SLC39A9: variants seen among roughly 807,000 people sequenced by gnomAD.
The protein encoded by SLC39A9 is solute carrier family 39 member 9, also known as zinc transporter ZIP9.
In SLC39A9, 14 loss-of-function variants were observed where a neutral mutation model predicts 28.4. That is an observed-to-expected ratio of 0.49 (90% CI 0.33 to 0.77). The LOEUF (loss-of-function observed/expected upper bound fraction) is 0.77. Ranked by LOEUF, SLC39A9 falls within the 30% of genes least tolerant of loss-of-function variation. SLC39A9 has a pLI of 0.02. For missense variants in SLC39A9, 283 were observed against 381.1 expected (o/e 0.74, Z 2.14); for synonymous variants, 119 against 149.6 (o/e 0.80, Z 1.49).
chr14:69,440,504 C>T (rs1884992726), intron 2 of SLC39A9, among the ~76,000 whole-genome samples: 2 of 151,940 alleles, frequency 1.3e-5, no homozygotes, highest in Admixed American at 1.3e-4. Context: ...AGGATGACTT[C>T]AGTCCAGGAA....
At chr14:69,427,362 T>C (rs1049328843) in intron 2 of SLC39A9, among the ~76,000 whole-genome samples, 4 of 152,196 alleles carry the variant, frequency 2.6e-5, no homozygotes, top group African/African-American at 7.2e-5. Flanking sequence ...AAGTCTCTTC[T>C]GAAAATAAGC....
At chr14:69,425,032 G>T (rs192156165) in intron 2 of SLC39A9, among the ~76,000 whole-genome samples, 1 of 152,200 alleles carries the variant, frequency 6.6e-6, no homozygotes, top group Non-Finnish European at 1.5e-5. Flanking sequence ...CCTGGGGTTT[G>T]ATAGACAAAG....
rs537473986 is a variant in SLC39A9 at position 69,414,917 on chromosome 14, A to G, written c.97-9177A>G. Among the ~76,000 whole-genome samples, 7 of 152,318 alleles carry G rather than the reference A, an allele frequency of 4.6e-5. 1 individual carries two copies. The South Asian group carries it at 1.2e-3, about 27-fold the overall frequency. ...TCATACAGTATATACTCCTTTGTGTAAAGCTTCTTTCACTCAAACATCAGG... is the reference window on the plus strand; with the variant it reads ...TCATACAGTATATACTCCTTTGTGTGAAGCTTCTTTCACTCAAACATCAGG... On this transcript the variant is annotated intron_variant, in intron 1 of 6. Transcript: ENST00000336643.
chr14:69,430,632 T>C (rs1183430140), intron 2 of SLC39A9, among the ~76,000 whole-genome samples: 3 of 150,498 alleles, frequency 2.0e-5, no homozygotes, highest in East Asian at 1.9e-4. Flanking sequence ...TTCTTTCTTT[T>C]TTTTTTTTTT....
At position 69,440,510 on chromosome 14, in the gene SLC39A9, A is replaced by G. The variant is rs757229214; in HGVS notation, c.206-1559A>G. 3.9e-4 allele frequency among the ~76,000 whole-genome samples: 60 copies of G among 152,212 alleles called. 1 individual carries two copies. The highest frequency in any genetic ancestry group is 6.2e-4 in the Non-Finnish European group (42 of 67,982). Reference sequence around the variant, plus strand: ...TGAGGTAGGAGGATGACTTCAGTCCAGGAAATGGAGGTTACTGTAAGCTGA... The same window carrying G: ...TGAGGTAGGAGGATGACTTCAGTCCGGGAAATGGAGGTTACTGTAAGCTGA... On this transcript the variant is annotated intron_variant, in intron 2 of 6. Coordinates refer to ENST00000336643, the MANE Select transcript of SLC39A9 (RefSeq NM_018375.5).
At chr14:69,430,628 C>CTTTT (rs71446389) in intron 2 of SLC39A9, among the ~76,000 whole-genome samples, 14 of 137,746 alleles carry the variant, frequency 1.0e-4, no homozygotes, top group African/African-American at 1.1e-4. Context: ...ATTTTTCTTT[C>CTTTT]TTTTTTTTTT....
intron 1 of SLC39A9, among the ~76,000 whole-genome samples, chr14:69,404,750 C>T (rs542278974): frequency 6.6e-6 from 1 of 152,214 alleles, no homozygotes; most frequent in African/African-American, 2.4e-5. Flanking sequence ...CTCTACCCTC[C>T]CTGCTTTATA....
chr14:69,461,580 GA>G lies in SLC39A9; in HGVS notation c.*2990del, dbSNP rs1353346782. On this transcript the variant is annotated 3_prime_UTR_variant, in exon 7 of 7. Coordinates refer to ENST00000336643, the MANE Select transcript of SLC39A9 (RefSeq NM_018375.5). Reference sequence around the variant, plus strand: ...TGGTATTTTGAATCATTAGAGAAAAGAAAGGGAGTGGCTGTTTTGAGTTGTC... The same window carrying G: ...TGGTATTTTGAATCATTAGAGAAAAGAAGGGAGTGGCTGTTTTGAGTTGTC... 2.0e-6 allele frequency: 3 copies of G among 1,505,922 alleles called. No homozygotes were observed. Among genetic ancestry groups the G allele is most frequent in the Non-Finnish European group, 1.8e-6 (2 of 1,131,576 alleles). 93.3% of individuals were successfully genotyped at this position (1,505,922 alleles called of 1,614,324 possible). A position where few individuals can be genotyped will look rare whatever the true frequency, so the allele number is the denominator to read the frequency against.
intron 1 of SLC39A9, among the ~76,000 whole-genome samples, chr14:69,419,604 T>G (rs544051092): frequency 6.6e-6 from 1 of 152,324 alleles, no homozygotes; most frequent in East Asian, 1.9e-4. Context: ...AGTGGGGTGT[T>G]AAAACCTCCC....
rs541863605 is a variant in SLC39A9 at position 69,432,750 on chromosome 14, T to C, written c.205+8548T>C. ...TTTGGTAAAAGGTAGGGGTCCAGTTTCATTCCCCTGGATATGGTTAGCCAA... is the reference window on the plus strand; with the variant it reads ...TTTGGTAAAAGGTAGGGGTCCAGTTCCATTCCCCTGGATATGGTTAGCCAA... On this transcript the variant is annotated intron_variant, in intron 2 of 6. Coordinates refer to ENST00000336643, the MANE Select transcript of SLC39A9 (RefSeq NM_018375.5). 6.6e-5 allele frequency among the ~76,000 whole-genome samples: 10 copies of C among 152,318 alleles called. No individual in the cohort carries two copies. The South Asian group carries it at 2.1e-3, about 32-fold the overall frequency.
At chr14:69,458,307 C>A in intron 6 of SLC39A9, 56 bp from the exon 7 acceptor site, 1 of 1,592,570 alleles carries the variant, frequency 6.3e-7, no homozygotes. Context: ...GGACTTCTTC[C>A]TGACCCTGAA....
intron 1 of SLC39A9, 83 bp from the exon 2 acceptor site, chr14:69,424,011 A>T: frequency 1.1e-6 from 1 of 927,932 alleles, no homozygotes; most frequent in Non-Finnish European, 1.7e-6. Context: ...TGAGCAGCTC[A>T]CAGTCTTGAT....
chr14:69,429,783 ACT>A (rs1262401805), intron 2 of SLC39A9, among the ~76,000 whole-genome samples: 2 of 152,086 alleles, frequency 1.3e-5, no homozygotes, highest in Admixed American at 6.5e-5. Context: ...AAACTGACAA[ACT>A]CTTCCTAAAG....
intron 1 of SLC39A9, among the ~76,000 whole-genome samples, chr14:69,423,728 T>C (rs1029779707): frequency 1.3e-5 from 2 of 151,858 alleles, no homozygotes; most frequent in Non-Finnish European, 2.9e-5. Context: ...TGAAACCCCG[T>C]CTCTACTGAA....
chr14:69,458,970 C>G lies in SLC39A9; in HGVS notation c.*377C>G. On this transcript the variant is annotated 3_prime_UTR_variant, in exon 7 of 7. Transcript: ENST00000336643. ...ACAGTGTTCTGTAATTAAGCTATGT[C>G]TCTTTCTTCTTAGTTTAGAGGCTCT... 3.0e-6 allele frequency: 3 copies of G among 1,000,990 alleles called. No individual in the cohort carries two copies. The highest frequency in any genetic ancestry group is 3.6e-6 in the Non-Finnish European group (3 of 839,036). The allele number at this position is 1,000,990 out of a possible 1,614,324, so 62.0% of individuals were successfully genotyped here. A position where few individuals can be genotyped will look rare whatever the true frequency, so the allele number is the denominator to read the frequency against.
At chr14:69,447,646 T>G (rs940202544) in intron 3 of SLC39A9, among the ~76,000 whole-genome samples, 1 of 152,192 alleles carries the variant, frequency 6.6e-6, no homozygotes, top group Non-Finnish European at 1.5e-5. Context: ...ATGCAGTGGC[T>G]CATGCCTGTA....
chr14:69,443,045 C>T (rs533327698), intron 3 of SLC39A9, among the ~76,000 whole-genome samples: 155 of 152,296 alleles, frequency 1.0e-3, no homozygotes, highest in Non-Finnish European at 1.8e-3. Flanking sequence ...TGACTCCAGT[C>T]ATAGTAACTG....
intron 5 of SLC39A9, among the ~76,000 whole-genome samples, chr14:69,455,245 A>T (rs777849678): frequency 6.6e-6 from 1 of 152,154 alleles, no homozygotes; most frequent in Non-Finnish European, 1.5e-5. Flanking sequence ...CTTGGCTTAG[A>T]ACATTAATTC....
In SLC39A9 at chr14:69,458,404, G is replaced by A. The variant is rs2232060; in HGVS notation, c.735G>A (p.Val245=). The A allele has an allele frequency of 3.4e-3, 5,425 of 1,614,204 alleles. 175 individuals carry two copies. In the African/African-American group the frequency reaches 0.065, roughly 19 times the overall value. Residue 245 remains valine (V), a synonymous_variant, in exon 7 of 7, where the codon GTG becomes GTA. Coordinates refer to ENST00000336643, the MANE Select transcript of SLC39A9 (RefSeq NM_018375.5). ...TTTCAGAGGTGAACGCCACGGGAGT[G>A]GCCATGCTTTTCTCTGCCGGGACAT... ...EALSEVNATG[V]AMLFSAGTFL... is the part of the protein sequence containing the mutation.
Sources: allele counts gnomAD v4.1 joint callset (sites outside exome capture counted in the v4.1 genomes callset), GRCh38; gene constraint gnomAD v4.1.1; transcripts MANE v1.5; gene names NCBI Gene and HGNC (gene_info 2026-07-23, HGNC 2026-07-21).